Variants in ARHGEF17 observed in about 807,000 individuals in gnomAD.
ARHGEF17 encodes the protein 164 kDa Rho-specific guanine-nucleotide exchange factor.
A neutral mutation model predicts 174.0 loss-of-function variants in ARHGEF17; 80 were observed. That is an observed-to-expected ratio of 0.46 (90% CI 0.38 to 0.55). The LOEUF (loss-of-function observed/expected upper bound fraction) is 0.55. ARHGEF17 is among the 20% of genes least tolerant of loss of function. The pLI is 0.00. For missense variants in ARHGEF17, 2,886 were observed against 2,839.7 expected, an observed-to-expected ratio of 1.02 and a Z score of -0.37; for synonymous variants, 1,311 against 1,189.1, an observed-to-expected ratio of 1.10 and a Z score of -2.11.
intron 1 of ARHGEF17, among the ~76,000 whole-genome samples, chr11:73,335,998 A>G (rs1342594761): frequency 5.9e-5 from 9 of 152,206 alleles, no homozygotes; most frequent in Non-Finnish European, 1.2e-4. Flanking sequence ...AGCAGGGAGC[A>G]GACATTGAGA....
intron 1 of ARHGEF17, among the ~76,000 whole-genome samples, chr11:73,329,559 C>A (rs919255829): frequency 1.1e-4 from 16 of 150,734 alleles, no homozygotes; most frequent in Non-Finnish European, 1.6e-4. Context: ...ACCACCACGC[C>A]CAGCTAATTT....
At chr11:73,355,792 G>T in intron 4 of ARHGEF17, 69 bp from the exon 5 acceptor site, 1 of 1,599,446 alleles carries the variant, frequency 6.3e-7, no homozygotes, top group Non-Finnish European at 8.6e-7. Context: ...AGGCTTGCTG[G>T]GGACCTGTCC....
At position 73,367,809 on chromosome 11, in the gene ARHGEF17, C is replaced by A; in HGVS notation, c.*29C>A. On this transcript the variant is annotated 3_prime_UTR_variant, in exon 21 of 21. Coordinates refer to ENST00000263674, the MANE Select transcript of ARHGEF17 (RefSeq NM_014786.4). ...TGTCTGCCGTGGCCCAGGACTCGCC[C>A]GCCCACCTGCCTTCAGCCTGCTTGC... 2 of 1,581,860 alleles carry A rather than the reference C, an allele frequency of 1.3e-6. No individual in the cohort carries two copies. Among genetic ancestry groups the A allele is most frequent in the Admixed American group, 1.7e-5 (1 of 58,856 alleles).
Position 73,309,478 on chromosome 11 carries a change from C to T in ARHGEF17, c.840C>T (p.Asp280=). The change falls in exon 1 of 21, where the codon GAC becomes GAT. Residue 280 remains aspartate (D), a synonymous_variant. Coordinates refer to ENST00000263674, the MANE Select transcript of ARHGEF17 (RefSeq NM_014786.4). The stretch of plus-strand genomic sequence containing the variant: ...GCCACTCCTCGGGCAGTGACGACGA[C>T]CGAGACGGTGAGGGCGGCCACCGCT... ...HGGHSSGSDD[D]RDGEGGHRWG... 2 of 1,544,270 alleles carry T rather than the reference C, an allele frequency of 1.3e-6. No individual in the cohort carries two copies. The highest frequency in any genetic ancestry group is 2.4e-5 in the South Asian group (2 of 82,460).
intron 1 of ARHGEF17, among the ~76,000 whole-genome samples, chr11:73,313,050 T>A (rs1044453078): frequency 2.0e-5 from 3 of 152,196 alleles, no homozygotes; most frequent in African/African-American, 7.2e-5. Context: ...CCTGACTGTG[T>A]GAGAAGCCTG....
At chr11:73,316,104 C>A (rs1864925468) in intron 1 of ARHGEF17, among the ~76,000 whole-genome samples, 1 of 152,186 alleles carries the variant, frequency 6.6e-6, no homozygotes, top group East Asian at 1.9e-4. Context: ...CGAGGGACTT[C>A]CTAGAAGAGG....
chr11:73,345,903 G>A (rs1043326573), intron 1 of ARHGEF17, among the ~76,000 whole-genome samples: 1 of 152,146 alleles, frequency 6.6e-6, no homozygotes, highest in Non-Finnish European at 1.5e-5. Flanking sequence ...TGGAGTCTCT[G>A]CCAGAGAAGG....
In ARHGEF17 at chr11:73,356,735, G is replaced by A. The variant is rs539172281; in HGVS notation, c.3867G>A (p.Leu1289=). 5.0e-6 allele frequency: 8 copies of A among 1,614,154 alleles called. No homozygotes were observed. The highest frequency in any genetic ancestry group is 1.7e-4 in the Middle Eastern group (1 of 6,060). Reference sequence around the variant, plus strand: ...TCCAGGCCCCTCTGCGGCGGTTCCTGAGACAGGAGATGGTCATTGAAGTGG... The same window carrying A: ...TCCAGGCCCCTCTGCGGCGGTTCCTAAGACAGGAGATGGTCATTGAAGTGG... ...EDLQAPLRRF[L]RQEMVIEVKA... Residue 1289 remains leucine (L), a synonymous_variant, in exon 7 of 21, where the codon CTG becomes CTA. Coordinates refer to ENST00000263674, the MANE Select transcript of ARHGEF17 (RefSeq NM_014786.4).
rs567737392 is a variant in ARHGEF17, at chr11:73,331,538, G to T, written c.3193-15345G>T. On this transcript the variant is annotated intron_variant, in intron 1 of 20. Transcript: ENST00000263674. ...CAGTTCACAGGGCCCCTCCTCTGGG[G>T]TTCTCCACCAGTCCTGTTGTCCAGG... Among the ~76,000 whole-genome samples the T allele has an allele frequency of 2.2e-3, 339 of 152,190 alleles. 2 individuals carry two copies. Among genetic ancestry groups the T allele is most frequent in the African/African-American group, 7.9e-3 (330 of 41,544 alleles).
intron 1 of ARHGEF17, among the ~76,000 whole-genome samples, chr11:73,312,129 A>T (rs890763452): frequency 2.6e-5 from 4 of 152,164 alleles, no homozygotes; most frequent in African/African-American, 4.8e-5. Context: ...GATGTTTCTC[A>T]GGGACTGGTT....
At chr11:73,319,876 G>A (rs1319755904) in intron 1 of ARHGEF17, among the ~76,000 whole-genome samples, 1 of 152,152 alleles carries the variant, frequency 6.6e-6, no homozygotes, top group Non-Finnish European at 1.5e-5. Flanking sequence ...GTGTTCCTGG[G>A]GCCAGGCCTG....
chr11:73,361,589 C>T (rs897088598), intron 12 of ARHGEF17, among the ~76,000 whole-genome samples: 10 of 152,100 alleles, frequency 6.6e-5, no homozygotes, highest in Admixed American at 1.3e-4. Flanking sequence ...GGGCAAGGTG[C>T]GGTGGCTTAC....
rs1410177107 is a variant in ARHGEF17, at chr11:73,311,812, C to G, written c.3174C>G (p.Cys1058Trp). Residue 1058 changes from cysteine (C) to tryptophan (W), a missense_variant, in exon 1 of 21, where the codon TGC becomes TGG. Physicochemically the swap from Cys to Trp is radical, Grantham distance 215. Around this residue, in one of 4 missense-constraint regions of ARHGEF17, gnomAD observed 353 missense variants for 470.3 expected, o/e 0.75. Transcript: ENST00000263674. ...PADEPTPASKCCSKPQVDMRK... is the reference protein window; with the variant it reads ...PADEPTPASKWCSKPQVDMRK... ...ATGAGCCTACCCCTGCCAGCAAGTG[C>G]TGCAGCAAGCCACAGGTGGTGAGTC... is the stretch of plus-strand genomic sequence containing the variant. 3 of 1,603,782 alleles carry G rather than the reference C, an allele frequency of 1.9e-6. No individual in the cohort carries two copies. In the African/African-American group the frequency reaches 4.0e-5, roughly 21 times the overall value.
chr11:73,342,303 G>A (rs573750101), intron 1 of ARHGEF17, among the ~76,000 whole-genome samples: 2 of 152,232 alleles, frequency 1.3e-5, no homozygotes, highest in East Asian at 3.9e-4. Flanking sequence ...CAGGGGTAGG[G>A]ATGATTCAAG....
chr11:73,363,408 C>A lies in ARHGEF17; in HGVS notation c.5199C>A (p.Asp1733Glu). 1 of 1,613,398 alleles carries A rather than the reference C, an allele frequency of 6.2e-7. No individual in the cohort carries two copies. The highest frequency in any genetic ancestry group is 1.1e-5 in the South Asian group (1 of 91,034). Reference protein sequence around the residue: ...RGSLEDLLSVDPEAYQSSVWL... With the variant: ...RGSLEDLLSVEPEAYQSSVWL... ...GCCTTGAGGACCTGCTGAGTGTCGA[C>A]CCTGAGGCCTACCAGAGCTCCGTGT... Residue 1733 changes from aspartate to glutamate, a missense_variant, in exon 15 of 21, where the codon GAC becomes GAA. Physicochemically the swap from Asp to Glu is conservative, Grantham distance 45. This residue lies in a region of ARHGEF17 where 476 missense variants were observed against 473.1 expected (regional missense o/e 1.01). Transcript: ENST00000263674.
Position 73,311,684 on chromosome 11 carries a change from T to G in ARHGEF17, c.3046T>G (p.Ser1016Ala), listed in dbSNP as rs1447310675. ...VTKQYMLNLH[S>A]GEVPAPVPVD... ...CAAGCAGTACATGCTGAACCTGCAC[T>G]CCGGTGAGGTCCCTGCCCCAGTGCC... is the stretch of plus-strand genomic sequence containing the variant. The change falls in exon 1 of 21, where the codon TCC (serine) becomes GCC (alanine). Residue 1016 changes from serine (S) to alanine (A), a missense_variant. This residue lies in a region of ARHGEF17 where 1,728 missense variants were observed against 1,461.2 expected (regional missense o/e 1.18). Coordinates refer to ENST00000263674, the MANE Select transcript of ARHGEF17 (RefSeq NM_014786.4). The G allele has an allele frequency of 6.2e-7, 1 of 1,613,260 alleles. No homozygotes were observed. Among genetic ancestry groups the G allele is most frequent in the Admixed American group, 1.7e-5 (1 of 60,004 alleles).
chr11:73,346,755 C>T (rs1731195760), intron 1 of ARHGEF17, 128 bp from the exon 2 acceptor site: 13 of 677,472 alleles, frequency 1.9e-5, no homozygotes, highest in South Asian at 2.8e-5. Flanking sequence ...GAGCCCTGGG[C>T]GGCAGGAGGG....
intron 1 of ARHGEF17, among the ~76,000 whole-genome samples, chr11:73,327,534 T>C (rs56397594): frequency 0.31 from 46,826 of 152,158 alleles, 9,476 homozygotes; most frequent in African/African-American, 0.58. Flanking sequence ...GCCTGCCTGG[T>C]CCACCATACA....
chr11:73,318,405 G>A (rs749193221), intron 1 of ARHGEF17, among the ~76,000 whole-genome samples: 7 of 152,202 alleles, frequency 4.6e-5, no homozygotes, highest in Non-Finnish European at 1.0e-4. Flanking sequence ...GGGAGGCTGA[G>A]GTGAGAGGAT....
Sources: gnomAD v4.1 joint callset for allele counts (sites outside exome capture counted in the v4.1 genomes callset) on GRCh38, gnomAD v4.1.1 for gene constraint, gnomAD v4.1.1 regional missense constraint, MANE v1.5 for transcripts, NCBI Gene and HGNC (gene_info 2026-07-23, HGNC 2026-07-21) for gene names.